PCDHA4: variants seen among roughly 807,000 people sequenced by gnomAD.
PCDHA4 encodes the protein protocadherin alpha-4.
A neutral mutation model predicts 61.4 loss-of-function variants in PCDHA4; 49 were observed. The observed-to-expected ratio is 0.80, with a 90% CI of 0.63 to 1.01. PCDHA4 has a LOEUF of 1.01. PCDHA4 is among the 50% of genes least tolerant of loss of function. PCDHA4 has a pLI of 0.00. For synonymous variants in PCDHA4, 590 were observed against 550.3 expected, an observed-to-expected ratio of 1.07 and a Z score of -1.01; for missense variants, 1,254 against 1,235.8, an observed-to-expected ratio of 1.01 and a Z score of -0.22.
At chr5:140,883,987 G>C (rs782597930) in intron 1 of PCDHA4, 4 of 1,612,956 alleles carry the variant, frequency 2.5e-6, no homozygotes, top group Admixed American at 1.7e-5. Context: ...CTGGCAGCGC[G>C]GGAGGCACAG....
chr5:140,995,372 G>A (rs1363484150), intron 3 of PCDHA4, among the ~76,000 whole-genome samples: 3 of 152,168 alleles, frequency 2.0e-5, no homozygotes, highest in African/African-American at 7.2e-5. Context: ...GATGATTCAC[G>A]TACTGGGCAG....
chr5:140,883,905 G>A (rs781818160), intron 1 of PCDHA4: 2 of 1,613,458 alleles, frequency 1.2e-6, no homozygotes, highest in Non-Finnish European at 1.7e-6. Flanking sequence ...CCGCCTCTGG[G>A]CAGCAACGTG....
chr5:140,908,155 G>A (rs559304647), intron 1 of PCDHA4, among the ~76,000 whole-genome samples: 3 of 152,312 alleles, frequency 2.0e-5, no homozygotes, highest in East Asian at 3.9e-4. Flanking sequence ...TCCTAGGAAG[G>A]GGCTGTAGTG....
rs564411271 is a variant in PCDHA4, at chr5:140,916,111, G to A, written c.2386-62838G>A. 1.9e-3 allele frequency among the ~76,000 whole-genome samples: 289 copies of A among 152,268 alleles called. 1 individual carries two copies. The highest frequency in any genetic ancestry group is 6.6e-3 in the African/African-American group (274 of 41,540). ...ACAGGGAATCTGCCTGGCCACTGCT[G>A]ATGTTCACTTAAAGCTTAAGGGCTG... On this transcript the variant is annotated intron_variant, in intron 1 of 3. Coordinates refer to ENST00000530339, the MANE Select transcript of PCDHA4 (RefSeq NM_018907.4).
At chr5:140,924,096 T>A (rs1044149112) in intron 1 of PCDHA4, among the ~76,000 whole-genome samples, 1 of 152,222 alleles carries the variant, frequency 6.6e-6, no homozygotes, top group Non-Finnish European at 1.5e-5. Flanking sequence ...AAAGAATAAA[T>A]TTTCATTCCA....
intron 1 of PCDHA4, among the ~76,000 whole-genome samples, chr5:140,916,329 T>C (rs1554197398): frequency 6.6e-6 from 1 of 152,178 alleles, no homozygotes; most frequent in African/African-American, 2.4e-5. Context: ...TCCCCTTTAC[T>C]TTTTCCTCTG....
chr5:140,917,324 C>CGGGGG (rs1299895515), intron 1 of PCDHA4, among the ~76,000 whole-genome samples: 1 of 76,186 alleles, frequency 1.3e-5, no homozygotes, highest in Non-Finnish European at 2.9e-5. Flanking sequence ...GTTCATGTGG[C>CGGGGG]GGGGGAGGGG....
At chr5:140,968,621 T>C (rs782017664) in intron 1 of PCDHA4, 11 of 1,614,190 alleles carry the variant, frequency 6.8e-6, no homozygotes, top group Non-Finnish European at 8.5e-6. Context: ...GCAAAATGCT[T>C]GGCTTTTTTA....
At chr5:140,829,217 G>A in intron 1 of PCDHA4, 4 of 1,614,204 alleles carry the variant, frequency 2.5e-6, no homozygotes, top group East Asian at 4.5e-5. Flanking sequence ...TAGCGTGAAC[G>A]ACCTCGATTC....
intron 1 of PCDHA4, chr5:140,850,192 T>A (rs2150472322): frequency 6.3e-7 from 1 of 1,593,512 alleles, no homozygotes. Flanking sequence ...CCGGCGCTGC[T>A]GACACCTCGG....
At chr5:140,838,851 G>A (rs1275085955) in intron 1 of PCDHA4, among the ~76,000 whole-genome samples, 1 of 151,804 alleles carries the variant, frequency 6.6e-6, no homozygotes, top group African/African-American at 2.4e-5. Context: ...AAGCCAGGGA[G>A]GTCCAAGCTG....
chr5:140,968,176 G>A, intron 1 of PCDHA4: 1 of 1,614,062 alleles, frequency 6.2e-7, no homozygotes, highest in Non-Finnish European at 8.5e-7. Flanking sequence ...CAAGCTTCCT[G>A]GAGGACTCCT....
chr5:140,884,355 T>C, intron 1 of PCDHA4: 1 of 1,613,922 alleles, frequency 6.2e-7, no homozygotes, highest in Admixed American at 1.7e-5. Context: ...CTGGTGGATG[T>C]CAATGTTTAC....
At chr5:140,835,561 T>A (rs1304711365) in intron 1 of PCDHA4, 6 of 1,613,806 alleles carry the variant, frequency 3.7e-6, no homozygotes, top group Admixed American at 1.7e-5. Context: ...ACGCCCCGCG[T>A]TCCCTTCAAG....
At chr5:140,957,339 TGAGA>T (rs2095352193) in intron 1 of PCDHA4, among the ~76,000 whole-genome samples, 1 of 152,152 alleles carries the variant, frequency 6.6e-6, no homozygotes, top group African/African-American at 2.4e-5. Context: ...TAAGATATTT[TGAGA>T]GAGAGACCAC....
intron 3 of PCDHA4, among the ~76,000 whole-genome samples, chr5:141,004,019 A>G (rs2098147783): frequency 6.6e-6 from 1 of 152,244 alleles, no homozygotes; most frequent in South Asian, 2.1e-4. Flanking sequence ...CACTGAAAGA[A>G]GAAACATTTC....
At chr5:140,828,821 C>T (rs1402518398) in intron 1 of PCDHA4, 1 of 1,614,068 alleles carries the variant, frequency 6.2e-7, no homozygotes, top group Non-Finnish European at 8.5e-7. Flanking sequence ...CACTTTCGAA[C>T]AGTCTGAATA....
intron 1 of PCDHA4, among the ~76,000 whole-genome samples, chr5:140,952,008 G>A (rs1427518321): frequency 6.6e-6 from 1 of 152,132 alleles, no homozygotes; most frequent in Non-Finnish European, 1.5e-5. Context: ...AAGAATTATA[G>A]GCCCCATGCA....
intron 3 of PCDHA4, among the ~76,000 whole-genome samples, chr5:141,004,121 C>T (rs1250923202): frequency 6.6e-6 from 1 of 152,230 alleles, no homozygotes; most frequent in Non-Finnish European, 1.5e-5. Flanking sequence ...AAGGGAGTAT[C>T]TCCATGATTC....
Sources: gnomAD v4.1 joint callset for allele counts (sites outside exome capture counted in the v4.1 genomes callset) on GRCh38, gnomAD v4.1.1 for gene constraint, MANE v1.5 for transcripts, NCBI Gene and HGNC (gene_info 2026-07-23, HGNC 2026-07-21) for gene names.